TRPA1: variants seen among roughly 807,000 people sequenced by gnomAD.
TRPA1 encodes the protein ankyrin-like with transmembrane domains 1.
Under a neutral mutation model 131.3 loss-of-function variants are expected in TRPA1, and 129 were observed. That is an observed-to-expected ratio of 0.98 (90% CI 0.85 to 1.14). The LOEUF (loss-of-function observed/expected upper bound fraction) is 1.14. TRPA1 is among the 50% of genes most tolerant of loss of function. TRPA1 has a pLI of 0.00. For missense variants in TRPA1, 1,304 were observed against 1,354.2 expected, an observed-to-expected ratio of 0.96 and a Z score of 0.58; for synonymous variants, 441 against 451.7, an observed-to-expected ratio of 0.98 and a Z score of 0.30.
intron 2 of TRPA1, among the ~76,000 whole-genome samples, chr8:72,071,418 AATAGT>A (rs2129436747): frequency 6.6e-6 from 1 of 152,348 alleles, no homozygotes; most frequent in African/African-American, 2.4e-5. Context: ...CCTCAATGGA[AATAGT>A]ATAAAGGAAT....
chr8:72,065,654 C>T, intron 3 of TRPA1, 96 bp from the exon 4 acceptor site: 1 of 858,176 alleles, frequency 1.2e-6, no homozygotes, highest in Non-Finnish European at 1.9e-6. Flanking sequence ...TACCAGGGAC[C>T]ATGTCTGTTT....
chr8:72,085,939 C>T, the TRPA1 span, among the ~76,000 whole-genome samples: 1 of 152,106 alleles, frequency 6.6e-6, no homozygotes, highest in Non-Finnish European at 1.5e-5. Context: ...CTTGCTCTGT[C>T]GCCCAGGCTG....
intron 15 of TRPA1, among the ~76,000 whole-genome samples, chr8:72,049,994 G>GTGTT (rs1476164329): frequency 5.9e-5 from 9 of 151,262 alleles, no homozygotes; most frequent in Non-Finnish European, 1.3e-4. Context: ...TATGCACAAC[G>GTGTT]TGCAGGTTTG....
In TRPA1 at chr8:72,075,333, G is replaced by A. The variant is rs775549270; in HGVS notation, c.77C>T (p.Pro26Leu). ...TTCCTTGAAATCCTCCGTGTCGTCC[G>A]GCACATCCTCATAGACAACGCCCTG... ...EPQGVVYEDV[P>L]DDTEDFKESL... The change falls in exon 1 of 27, where the codon CCG (proline) becomes CTG (leucine). Residue 26 changes from proline (P) to leucine (L), a missense_variant. Physicochemically the swap from Pro to Leu is moderately conservative, Grantham distance 98 (BLOSUM62 -3). Transcript: ENST00000262209. 3.3e-5 allele frequency: 53 copies of A among 1,613,216 alleles called. 1 individual carries two copies. In the South Asian group the frequency reaches 5.8e-4, roughly 18 times the overall value.
In TRPA1 at chr8:72,062,738, G is replaced by T. The variant is rs915849426; in HGVS notation, c.807+61C>A. 3 of 1,505,684 alleles carry T rather than the reference G, an allele frequency of 2.0e-6. No homozygotes were observed. The East Asian group carries it at 6.8e-5, about 34-fold the overall frequency. The allele number at this position is 1,505,684 out of a possible 1,614,324, so 93.3% of individuals were successfully genotyped here. On this transcript the variant is annotated intron_variant, in intron 6 of 26. Transcript: ENST00000262209. ...AAATTAACTGTAAAAGAGCTATAAA[G>T]CATTTTATATGTTTATGACAACTCT...
intron 17 of TRPA1, among the ~76,000 whole-genome samples, chr8:72,044,309 C>T (rs947049527): frequency 2.6e-5 from 4 of 151,382 alleles, no homozygotes; most frequent in Admixed American, 6.6e-5. Flanking sequence ...ATGGTTTCTT[C>T]AAGCTAAAAT....
In TRPA1 at chr8:72,038,024, T is replaced by C; in HGVS notation, c.2344A>G (p.Ile782Val). ...TCMILVFLSS[I>V]FGYCKEAGQI... ...CCCGCTTCTTTGCAATACCCAAATATACTTGATAAAAACACTAAAATCATA... is the reference window on the plus strand; with the variant it reads ...CCCGCTTCTTTGCAATACCCAAATACACTTGATAAAAACACTAAAATCATA... Residue 782 changes from isoleucine (I) to valine (V), a missense_variant, in exon 20 of 27, where the codon ATA becomes GTA. Transcript: ENST00000262209. 1 of 1,602,738 alleles carries C rather than the reference T, an allele frequency of 6.2e-7. No individual in the cohort carries two copies.
rs1446549742 is a variant in TRPA1 at position 72,023,037 on chromosome 8, C to T, written c.3229G>A (p.Glu1077Lys). The T allele has an allele frequency of 1.2e-6, 2 of 1,613,616 alleles. No homozygotes were observed. Among genetic ancestry groups the T allele is most frequent in the African/African-American group, 1.3e-5 (1 of 74,914 alleles). Residue 1077 changes from glutamate (E) to lysine (K), a missense_variant, in exon 27 of 27, where the codon GAG becomes AAG. Coordinates refer to ENST00000262209, the MANE Select transcript of TRPA1 (RefSeq NM_007332.3). ...CAATGGCTATCATCATCCTCTGTCTCAGAGATGATCTCCATCTTCTGAATG... is the reference window on the plus strand; with the variant it reads ...CAATGGCTATCATCATCCTCTGTCTTAGAGATGATCTCCATCTTCTGAATG... ...LIIQKMEIIS[E>K]TEDDDSHCSF... is the part of the protein sequence containing the mutation.
At chr8:72,053,025 G>GAGAGAC in intron 13 of TRPA1, 1 of 364,850 alleles carries the variant, frequency 2.7e-6, no homozygotes. Context: ...GAGAGAGAGA[G>GAGAGAC]AGAGAGAGAG....
chr8:72,036,205 T>A, intron 21 of TRPA1, 83 bp downstream of exon 21: 1 of 1,443,458 alleles, frequency 6.9e-7, no homozygotes, highest in Non-Finnish European at 9.6e-7. Context: ...TAAGCCAGTT[T>A]TAAATTTACA....
intron 1 of TRPA1, among the ~76,000 whole-genome samples, chr8:72,072,731 G>A (rs949384122): frequency 6.6e-6 from 1 of 152,068 alleles, no homozygotes; most frequent in Non-Finnish European, 1.5e-5. Context: ...TATGCTCTTT[G>A]CGTAATAAAG....
At chr8:72,054,832 C>T (rs970627613) in intron 12 of TRPA1, 1 of 152,338 alleles carries the variant, frequency 6.6e-6, no homozygotes, top group African/African-American at 2.4e-5. Flanking sequence ...TAAAACATTT[C>T]CAGGTTTTTT....
chr8:72,083,541 T>C, the TRPA1 span, among the ~76,000 whole-genome samples: 1 of 151,038 alleles, frequency 6.6e-6, no homozygotes, highest in Admixed American at 6.6e-5. Flanking sequence ...GAGACCATCC[T>C]GGCTAACATA....
intron 17 of TRPA1, among the ~76,000 whole-genome samples, chr8:72,042,055 A>G (rs1812271022): frequency 6.6e-6 from 1 of 151,958 alleles, no homozygotes; most frequent in African/African-American, 2.4e-5. Context: ...ACAGGACTAT[A>G]TAAAGTTAAA....
At position 72,052,674 on chromosome 8, in the gene TRPA1, T is replaced by G. The variant is rs1805540751; in HGVS notation, c.1736A>C (p.Gln579Pro). The G allele has an allele frequency of 6.2e-7, 1 of 1,613,868 alleles. No individual in the cohort carries two copies. Among genetic ancestry groups the G allele is most frequent in the Non-Finnish European group, 8.5e-7 (1 of 1,179,864 alleles). ...TGCAAGGTGCAAAAAGGAGGCCTGC[T>G]GCTTGTTCAGGACTATGTCAGCATT... ...SHNADIVLNK[Q>P]QASFLHLALH... The change falls in exon 14 of 27, where the codon CAG (glutamine) becomes CCG (proline). Residue 579 changes from glutamine (Q) to proline (P), a missense_variant. Gln to Pro is a moderately conservative substitution (Grantham distance 76, BLOSUM62 -1). Coordinates refer to ENST00000262209, the MANE Select transcript of TRPA1 (RefSeq NM_007332.3).
chr8:72,069,756 A>G (rs1036117682), intron 2 of TRPA1, among the ~76,000 whole-genome samples: 1 of 152,112 alleles, frequency 6.6e-6, no homozygotes, highest in Non-Finnish European at 1.5e-5. Context: ...AATTAAAAAA[A>G]AAACATATAT....
At chr8:72,082,357 A>G in the TRPA1 span, among the ~76,000 whole-genome samples, 121 of 152,138 alleles carry the variant, frequency 8.0e-4, no homozygotes, top group Non-Finnish European at 1.5e-3. Context: ...CTTTTTAAAC[A>G]ATTTCACATT....
At chr8:72,024,845 G>A (rs1811529705) in intron 25 of TRPA1, among the ~76,000 whole-genome samples, 1 of 152,110 alleles carries the variant, frequency 6.6e-6, no homozygotes, top group South Asian at 2.1e-4. Flanking sequence ...CAGTTGGAGA[G>A]ATACTGTGGC....
chr8:72,063,691 A>AT, intron 4 of TRPA1, 120 bp from the exon 5 acceptor site: 1 of 694,900 alleles, frequency 1.4e-6, no homozygotes, highest in Non-Finnish European at 2.6e-6. Flanking sequence ...AAAAGTACAT[A>AT]GAGAGCTTCA....
Sources: gnomAD v4.1 joint callset for allele counts (sites outside exome capture counted in the v4.1 genomes callset) on GRCh38, gnomAD v4.1.1 for gene constraint, MANE v1.5 for transcripts, NCBI Gene and HGNC (gene_info 2026-07-23, HGNC 2026-07-21) for gene names.